Variants in ITGB3 observed in about 807,000 individuals in gnomAD.
ITGB3 encodes integrin subunit beta 3, also known as integrin beta-3.
ITGB3 carries 48 observed loss-of-function variants against 85.8 expected under a neutral mutation model. The observed-to-expected ratio is 0.56, with a 90% CI of 0.44 to 0.71. The LOEUF (loss-of-function observed/expected upper bound fraction) is 0.71, where lower values mean the gene tolerates loss of function less well. Ranked by LOEUF, ITGB3 falls within the 30% of genes least tolerant of loss-of-function variation. The pLI is 0.00. For synonymous variants in ITGB3, 363 were observed against 395.6 expected (o/e 0.92, Z 0.98); for missense variants, 861 against 1,019.1 (o/e 0.84, Z 2.11).
Position 47,291,031 on chromosome 17 carries a change from C to G in ITGB3, c.1203C>G (p.Leu401=). 1 of 1,614,176 alleles carries G rather than the reference C, an allele frequency of 6.2e-7. No individual in the cohort carries two copies. The highest frequency in any genetic ancestry group is 1.1e-5 in the South Asian group (1 of 91,080). ...ELSLSFNATC[L]NNEVIPGLKS... ...CTCTATCCTTCAATGCCACCTGCCT[C>G]AACAATGAGGTCATCCCTGGCCTCA... The change falls in exon 9 of 15, where the codon CTC becomes CTG. Residue 401 remains leucine (L), a synonymous_variant. Coordinates refer to ENST00000559488, the MANE Select transcript of ITGB3 (RefSeq NM_000212.3).
At chr17:47,285,685 C>T (rs1195739060) in intron 4 of ITGB3, among the ~76,000 whole-genome samples, 3 of 152,042 alleles carry the variant, frequency 2.0e-5, no homozygotes, top group Non-Finnish European at 2.9e-5. Context: ...TGTAAGGTTC[C>T]CAGGCAAGAC....
chr17:47,306,282 T>C (rs371808654), intron 13 of ITGB3, among the ~76,000 whole-genome samples: 1 of 128,044 alleles, frequency 7.8e-6, no homozygotes. Flanking sequence ...ATTTCTCTCT[T>C]TCTTTCTTTT....
intron 14 of ITGB3, 130 bp downstream of exon 14, chr17:47,307,767 G>C: frequency 1.1e-6 from 1 of 885,268 alleles, no homozygotes; most frequent in Non-Finnish European, 1.8e-6. Context: ...CTGGAAACTG[G>C]GAGAGATGGT....
intron 2 of ITGB3, among the ~76,000 whole-genome samples, chr17:47,283,095 C>T (rs1290620962): frequency 4.7e-5 from 7 of 149,408 alleles, no homozygotes; most frequent in Non-Finnish European, 5.9e-5. Context: ...TTGGTAGAGA[C>T]GGGGTCTAGC....
chr17:47,281,480 T>A (rs2065083602), intron 2 of ITGB3, among the ~76,000 whole-genome samples: 1 of 152,208 alleles, frequency 6.6e-6, no homozygotes, highest in African/African-American at 2.4e-5. Context: ...CAAAATGACG[T>A]ATCTGAGGTC....
In ITGB3 at chr17:47,283,925, C is replaced by T. The variant is rs568046473; in HGVS notation, c.361+376C>T. 4.7e-4 allele frequency among the ~76,000 whole-genome samples: 72 copies of T among 152,240 alleles called. 1 individual carries two copies. The highest frequency in any genetic ancestry group is 1.4e-3 in the African/African-American group (58 of 41,518). On this transcript the variant is annotated intron_variant, in intron 3 of 14. Transcript: ENST00000559488. ...AGAACAAGAAAGCGACTTGTAAGCC[C>T]CCCTTTCATGGGGAATTGGGACAGG...
At chr17:47,266,616 T>G (rs2065026728) in intron 1 of ITGB3, among the ~76,000 whole-genome samples, 1 of 152,182 alleles carries the variant, frequency 6.6e-6, no homozygotes, top group Non-Finnish European at 1.5e-5. Context: ...CTCACTTTGT[T>G]GCCCAGGCTG....
chr17:47,261,519 CTTTTTTTT>C (rs71365061), intron 1 of ITGB3, among the ~76,000 whole-genome samples: 1 of 128,062 alleles, frequency 7.8e-6, no homozygotes, highest in African/African-American at 2.9e-5. Flanking sequence ...GGATCATTGT[CTTTTTTTT>C]TTTTTTTTTT....
chr17:47,300,478 A>C lies in ITGB3; in HGVS notation c.1914A>C (p.Lys638Asn). 6.2e-7 allele frequency: 1 copy of C among 1,612,378 alleles called. No individual in the cohort carries two copies. Among genetic ancestry groups the C allele is most frequent in the Non-Finnish European group, 8.5e-7 (1 of 1,178,384 alleles). ...AATCACTGTGTCCTCTCTCCTTCAG[A>C]GAATGTGTGGAGTGTAAGAAGTTTG... ...PTCPDACTFK[K>N]ECVECKKFDR... Residue 638 changes from lysine to asparagine, a missense_variant and splice_region_variant, in exon 12 of 15, where the codon AAA becomes AAC. By Grantham distance (94) the Lys-to-Asn change is moderately conservative. Coordinates refer to ENST00000559488, the MANE Select transcript of ITGB3 (RefSeq NM_000212.3).
intron 2 of ITGB3, among the ~76,000 whole-genome samples, chr17:47,276,286 A>G (rs931278197): frequency 6.6e-6 from 1 of 152,140 alleles, no homozygotes; most frequent in African/African-American, 2.4e-5. Context: ...CTTGATCTGT[A>G]TAGGGACTAG....
At chr17:47,288,276 G>C (rs1414298155) in intron 6 of ITGB3, among the ~76,000 whole-genome samples, 1 of 151,758 alleles carries the variant, frequency 6.6e-6, no homozygotes, top group Non-Finnish European at 1.5e-5. Flanking sequence ...ATGGTGAACA[G>C]GTCCTACGAG....
chr17:47,260,005 C>A (rs1208746149), intron 1 of ITGB3, among the ~76,000 whole-genome samples: 1 of 152,164 alleles, frequency 6.6e-6, no homozygotes, highest in Admixed American at 6.5e-5. Context: ...TAATTCTATT[C>A]CCCTATAATG....
Position 47,289,661 on chromosome 17 carries a change from T to C in ITGB3, c.940-20T>C, listed in dbSNP as rs1481473408. The C allele has an allele frequency of 2.1e-5, 33 of 1,561,390 alleles. No individual in the cohort carries two copies. The highest frequency in any genetic ancestry group is 2.9e-5 in the Non-Finnish European group (33 of 1,131,928). On this transcript the variant is annotated intron_variant, in intron 6 of 14. Transcript: ENST00000559488. ...ATGTACATGAGACGTCATTAACCTC[T>C]ACATCCTTCATTTTCCTAGGATTAT...
At chr17:47,306,382 C>T (rs551478501) in intron 13 of ITGB3, among the ~76,000 whole-genome samples, 1 of 152,208 alleles carries the variant, frequency 6.6e-6, no homozygotes, top group African/African-American at 2.4e-5. Context: ...TCAAACGATC[C>T]TCCCACCTCA....
At chr17:47,275,675 G>A (rs1944570985) in intron 2 of ITGB3, among the ~76,000 whole-genome samples, 1 of 152,196 alleles carries the variant, frequency 6.6e-6, no homozygotes, top group Non-Finnish European at 1.5e-5. Flanking sequence ...CGGGAGCTGG[G>A]AGGCTGTGTT....
chr17:47,304,942 A>G (rs2065181785), intron 13 of ITGB3, among the ~76,000 whole-genome samples: 1 of 151,956 alleles, frequency 6.6e-6, no homozygotes, highest in Non-Finnish European at 1.5e-5. Flanking sequence ...GAATCTGCCA[A>G]CCCTACCCAG....
intron 11 of ITGB3, 77 bp from the exon 12 acceptor site, chr17:47,300,401 T>G: frequency 2.5e-5 from 25 of 986,368 alleles, no homozygotes; most frequent in East Asian, 4.8e-5. Context: ...TCTGAATGCA[T>G]GGAGATCAGA....
In ITGB3 at chr17:47,292,362, C is replaced by A. The variant is rs767469599; in HGVS notation, c.1484C>A (p.Ser495Tyr). ...VCRCGPGWLG[S>Y]QCECSEEDYR... Reference sequence around the variant, plus strand: ...CGTTGTGGGCCTGGCTGGCTGGGATCCCAGTGTGAGTGCTCAGAGGAGGAC... The same window carrying A: ...CGTTGTGGGCCTGGCTGGCTGGGATACCAGTGTGAGTGCTCAGAGGAGGAC... Residue 495 changes from serine (S) to tyrosine (Y), a missense_variant, in exon 10 of 15, where the codon TCC becomes TAC. Ser to Tyr is a moderately radical substitution (Grantham distance 144). Coordinates refer to ENST00000559488, the MANE Select transcript of ITGB3 (RefSeq NM_000212.3). 3 of 1,614,040 alleles carry A rather than the reference C, an allele frequency of 1.9e-6. No homozygotes were observed. Among genetic ancestry groups the A allele is most frequent in the African/African-American group, 2.7e-5 (2 of 74,914 alleles).
intron 1 of ITGB3, among the ~76,000 whole-genome samples, chr17:47,263,909 C>G (rs1290182693): frequency 3.3e-5 from 5 of 152,270 alleles, no homozygotes. Flanking sequence ...TCCTGTTTTT[C>G]CCTTGTGAAC....
Sources: allele counts gnomAD v4.1 joint callset (sites outside exome capture counted in the v4.1 genomes callset), GRCh38; gene constraint gnomAD v4.1.1; transcripts MANE v1.5; gene names NCBI Gene and HGNC (gene_info 2026-07-23, HGNC 2026-07-21).